The following NECTIN3 variants were observed in gnomAD, a reference collection of about 807,000 sequenced individuals.
The protein encoded by NECTIN3 is nectin cell adhesion molecule 3, also known as nectin-3.
NECTIN3 carries 8 observed loss-of-function variants against 49.4 expected under a neutral mutation model. That is an observed-to-expected ratio of 0.16 (90% CI 0.10 to 0.29). The LOEUF (loss-of-function observed/expected upper bound fraction) is 0.29. NECTIN3 is among the 10% of genes least tolerant of loss of function. NECTIN3 has a pLI of 1.00. For missense variants in NECTIN3, 581 were observed against 654.6 expected, an observed-to-expected ratio of 0.89 and a Z score of 1.23; for synonymous variants, 277 against 241.1, an observed-to-expected ratio of 1.15 and a Z score of -1.38.
intron 1 of NECTIN3, among the ~76,000 whole-genome samples, chr3:111,111,077 C>A (rs562437174): frequency 6.6e-6 from 1 of 152,042 alleles, no homozygotes; most frequent in African/African-American, 2.4e-5. Context: ...TTTTGGTTTA[C>A]TTCTTGGTTT....
chr3:111,177,776 G>A (rs1418477321), intron 7 of NECTIN3, among the ~76,000 whole-genome samples: 1 of 152,168 alleles, frequency 6.6e-6, no homozygotes, highest in Non-Finnish European at 1.5e-5. Flanking sequence ...GTTAAAATGT[G>A]TAGGCATTTA....
intron 7 of NECTIN3, among the ~76,000 whole-genome samples, chr3:111,184,788 G>A (rs2107534680): frequency 6.6e-6 from 1 of 152,156 alleles, no homozygotes; most frequent in South Asian, 2.1e-4. Context: ...GTTATTTTCT[G>A]GAAGTCAGTT....
intron 5 of NECTIN3, among the ~76,000 whole-genome samples, chr3:111,130,475 C>A (rs1048816810): frequency 2.6e-5 from 4 of 151,918 alleles, no homozygotes; most frequent in Admixed American, 2.0e-4. Context: ...AAATAAATGA[C>A]CAGTTAATCT....
intron 2 of NECTIN3, among the ~76,000 whole-genome samples, chr3:111,118,417 T>A (rs2033800767): frequency 6.6e-6 from 1 of 151,510 alleles, no homozygotes; most frequent in South Asian, 2.1e-4. Flanking sequence ...GGAATGTATA[T>A]CTTTATCAGG....
downstream of NECTIN3, among the ~76,000 whole-genome samples, chr3:111,137,885 C>A (rs2034637769): frequency 6.7e-6 from 1 of 150,274 alleles, no homozygotes; most frequent in Non-Finnish European, 1.5e-5. Context: ...TACACAAACC[C>A]ATCACCTAGG....
intron 7 of NECTIN3, among the ~76,000 whole-genome samples, chr3:111,160,276 A>T (rs1368127664): frequency 6.6e-6 from 1 of 152,192 alleles, no homozygotes; most frequent in Non-Finnish European, 1.5e-5. Flanking sequence ...CTGTCAATTC[A>T]GACATCTTCC....
At chr3:111,105,329 G>A (rs1002362245) in intron 1 of NECTIN3, among the ~76,000 whole-genome samples, 7 of 151,476 alleles carry the variant, frequency 4.6e-5, no homozygotes, top group Admixed American at 4.6e-4. Flanking sequence ...GATGGGGTTT[G>A]GCCATATTGC....
At chr3:111,119,940 G>A (rs925316282) in intron 3 of NECTIN3, among the ~76,000 whole-genome samples, 1 of 151,886 alleles carries the variant, frequency 6.6e-6, no homozygotes, top group Non-Finnish European at 1.5e-5. Flanking sequence ...CATTACACTT[G>A]GTGTAATCAT....
chr3:111,165,080 T>A (rs1016541799), intron 7 of NECTIN3, among the ~76,000 whole-genome samples: 7 of 152,142 alleles, frequency 4.6e-5, no homozygotes, highest in Admixed American at 6.5e-5. Context: ...AGAGTCTCGC[T>A]CTGTCGCCCA....
At chr3:111,152,791 G>A (rs748000639) in intron 7 of NECTIN3, among the ~76,000 whole-genome samples, 2 of 151,944 alleles carry the variant, frequency 1.3e-5, no homozygotes, top group East Asian at 3.8e-4. Context: ...AAGGATATAA[G>A]TTCAAGAGAA....
intron 4 of NECTIN3, among the ~76,000 whole-genome samples, chr3:111,125,783 A>C (rs2034141210): frequency 6.6e-6 from 1 of 152,202 alleles, no homozygotes; most frequent in African/African-American, 2.4e-5. Context: ...TTGCATGAAG[A>C]AAATTGTAGA....
chr3:111,143,761 A>G (rs1320938576), intron 5 of NECTIN3, among the ~76,000 whole-genome samples: 1 of 151,952 alleles, frequency 6.6e-6, no homozygotes, highest in Non-Finnish European at 1.5e-5. Flanking sequence ...TTCTCTTCCA[A>G]CAAGGGGTAA....
intron 7 of NECTIN3, among the ~76,000 whole-genome samples, chr3:111,165,739 A>C (rs1576173989): frequency 6.6e-6 from 1 of 152,334 alleles, no homozygotes; most frequent in East Asian, 1.9e-4. Context: ...CCATAAGCTT[A>C]TATTAGTTGC....
chr3:111,087,789 C>T (rs552062631), intron 1 of NECTIN3, among the ~76,000 whole-genome samples: 1 of 151,906 alleles, frequency 6.6e-6, no homozygotes, highest in Non-Finnish European at 1.5e-5. Context: ...TCTTCTGCCT[C>T]CAGGTTCAAG....
At chr3:111,171,109 C>T (rs1377604233) in intron 7 of NECTIN3, among the ~76,000 whole-genome samples, 1 of 152,118 alleles carries the variant, frequency 6.6e-6, no homozygotes, top group African/African-American at 2.4e-5. Flanking sequence ...CTCATAACAA[C>T]GTTGTGAAGC....
At chr3:111,190,241 G>C (rs905168170), upstream of NECTIN3, among the ~76,000 whole-genome samples, 2 of 152,196 alleles carry the variant, frequency 1.3e-5, no homozygotes, top group African/African-American at 4.8e-5. Context: ...ACCTGATCAT[G>C]TGGGAAGCAC....
At chr3:111,147,338 T>G in intron 6 of NECTIN3, 12 of 1,239,794 alleles carry the variant, frequency 9.7e-6, no homozygotes, top group Non-Finnish European at 1.2e-5. Flanking sequence ...AGAACCTTGA[T>G]TTTCTTTTGC....
chr3:111,118,895 G>A lies in NECTIN3; in HGVS notation c.742G>A (p.Val248Ile). 1 of 1,614,078 alleles carries A rather than the reference G, an allele frequency of 6.2e-7. No homozygotes were observed. The highest frequency in any genetic ancestry group is 8.5e-7 in the Non-Finnish European group (1 of 1,179,998). ...TAGAGGAAGGCGAATTACTTGTGTT[G>A]TAAAACATCCAGCCTTGGAAAAGGA... ...FARGRRITCVVKHPALEKDIR... is the reference protein window; with the variant it reads ...FARGRRITCVIKHPALEKDIR... The change falls in exon 3 of 6, where the codon GTA becomes ATA. Residue 248 changes from valine to isoleucine, a missense_variant. Val to Ile is a conservative substitution (Grantham distance 29, BLOSUM62 3). Transcript: ENST00000485303.
At chr3:111,186,052 A>G (rs1280669068) in intron 7 of NECTIN3, among the ~76,000 whole-genome samples, 2 of 152,152 alleles carry the variant, frequency 1.3e-5, no homozygotes, top group African/African-American at 2.4e-5. Context: ...CGTTCTTCAT[A>G]TACTCTGTAC....
Sources: allele counts gnomAD v4.1 joint callset (sites outside exome capture counted in the v4.1 genomes callset), GRCh38; gene constraint gnomAD v4.1.1; transcripts MANE v1.5; gene names NCBI Gene and HGNC (gene_info 2026-07-23, HGNC 2026-07-21).